CNKSR2: variants seen among roughly 807,000 people sequenced by gnomAD.
CNKSR2 encodes connector enhancer of kinase suppressor of Ras 2.
A neutral mutation model predicts 84.4 loss-of-function variants in CNKSR2; 14 were observed. The observed-to-expected ratio is 0.17, with a 90% CI of 0.11 to 0.26. CNKSR2 has a LOEUF of 0.26. Ranked by LOEUF, CNKSR2 falls within the 10% of genes least tolerant of loss-of-function variation. The pLI is 1.00. For synonymous variants in CNKSR2, 275 were observed against 277.9 expected (o/e 0.99, Z 0.10); for missense variants, 485 against 771.2 (o/e 0.63, Z 4.40).
intron 5 of CNKSR2, among the ~76,000 whole-genome samples, chrX:21,473,714 A>T (rs955159650): frequency 2.2e-5 from 2 of 92,462 alleles, no homozygotes; most frequent in Non-Finnish European, 4.2e-5. Context: ...GTTATATCTC[A>T]TTATTTAGGT....
Position 21,590,630 on chromosome X carries a change from G to T in CNKSR2, c.1657+10G>T. ...AAGAAGAAAAACAAAGGTAAGAAAA[G>T]GAAATGAAACCTTTACCTGCTTATT... On this transcript the variant is annotated intron_variant, in intron 14 of 21. Coordinates refer to ENST00000379510, the MANE Select transcript of CNKSR2 (RefSeq NM_014927.5). 8.3e-7 allele frequency: 1 copy of T among 1,202,542 alleles called. No individual in the cohort carries two copies. Among genetic ancestry groups the T allele is most frequent in the Non-Finnish European group, 1.1e-6 (1 of 888,418 alleles).
At chrX:21,591,348 G>C in intron 15 of CNKSR2, 154 bp downstream of exon 15, 1 of 374,159 alleles carries the variant, frequency 2.7e-6, no homozygotes, top group Non-Finnish European at 4.6e-6. Flanking sequence ...TAAAATGATT[G>C]CATGTTGGGG....
At chrX:21,460,410 A>T (rs1050367891) in intron 4 of CNKSR2, among the ~76,000 whole-genome samples, 3 of 111,103 alleles carry the variant, frequency 2.7e-5, no homozygotes, top group Non-Finnish European at 5.7e-5. Flanking sequence ...CATATTTCAA[A>T]TTTTTTGTGG....
chrX:21,555,222 G>T (rs1410171412), intron 11 of CNKSR2, among the ~76,000 whole-genome samples: 4 of 109,694 alleles, frequency 3.6e-5, no homozygotes, highest in Non-Finnish European at 7.6e-5. Context: ...GATTTTAACT[G>T]GTTTTGTTCT....
intron 5 of CNKSR2, among the ~76,000 whole-genome samples, chrX:21,489,841 G>C: frequency 1.8e-5 from 2 of 111,531 alleles, no homozygotes. Context: ...AAGATAAGAA[G>C]ACAGAGATGA....
intron 9 of CNKSR2, among the ~76,000 whole-genome samples, chrX:21,520,150 T>C (rs1307319957): frequency 9.0e-6 from 1 of 111,535 alleles, no homozygotes; most frequent in Non-Finnish European, 1.9e-5. Flanking sequence ...GCAATTTCAT[T>C]AGTACATTTC....
At chrX:21,389,194 C>G (rs1457063119) in intron 1 of CNKSR2, among the ~76,000 whole-genome samples, 2 of 104,733 alleles carry the variant, frequency 1.9e-5, no homozygotes, top group Non-Finnish European at 3.9e-5. Context: ...CCAGAAAAGG[C>G]TAAGGAGACA....
intron 15 of CNKSR2, 44 bp downstream of exon 15, chrX:21,591,238 T>G: frequency 9.7e-7 from 1 of 1,029,047 alleles, no homozygotes; most frequent in Non-Finnish European, 1.3e-6. Flanking sequence ...TCTCTATCTT[T>G]AATCAAAAGA....
chrX:21,446,090 A>G (rs2090850862), intron 4 of CNKSR2, among the ~76,000 whole-genome samples: 1 of 111,783 alleles, frequency 8.9e-6, no homozygotes, highest in East Asian at 2.8e-4. Flanking sequence ...TGTTTAAACA[A>G]ATAATACTTT....
intron 20 of CNKSR2, among the ~76,000 whole-genome samples, chrX:21,647,790 A>G (rs1223689307): frequency 8.9e-6 from 1 of 111,758 alleles, no homozygotes; most frequent in Non-Finnish European, 1.9e-5. Flanking sequence ...AAATATTCAC[A>G]TGGACCATTG....
chrX:21,597,594 T>C (rs2092457438), intron 17 of CNKSR2, among the ~76,000 whole-genome samples: 1 of 110,884 alleles, frequency 9.0e-6, no homozygotes. Flanking sequence ...AATGGGAAGA[T>C]TTTTAATTAC....
chrX:21,552,957 T>C (rs1392498633), intron 11 of CNKSR2, among the ~76,000 whole-genome samples: 4 of 112,029 alleles, frequency 3.6e-5, no homozygotes, highest in African/African-American at 1.3e-4. Flanking sequence ...TATACAGCCA[T>C]TTAAAAATGT....
chrX:21,443,337 G>T (rs935025887), intron 4 of CNKSR2, among the ~76,000 whole-genome samples: 2 of 111,341 alleles, frequency 1.8e-5, no homozygotes, highest in African/African-American at 6.5e-5. Flanking sequence ...GTTTTCATGA[G>T]CTGCATTTAC....
chrX:21,469,544 TTTG>T (rs1450840645), intron 4 of CNKSR2, among the ~76,000 whole-genome samples: 1 of 109,902 alleles, frequency 9.1e-6, no homozygotes, highest in African/African-American at 3.3e-5. Context: ...TGGAAATGGG[TTTG>T]TTTTTTTTTT....
rs760890681 is a variant in CNKSR2, at chrX:21,563,302, A to G, written c.1458A>G (p.Arg486=). ...CTCAAGAAGAATACATGTTTCAGAG[A>G]AACAGCAAAAAGGACACAGGGAAGA... is the stretch of plus-strand genomic sequence containing the variant. ...KIAQEEYMFQ[R]NSKKDTGKKS... is the part of the protein sequence containing the mutation. Residue 486 remains arginine, a synonymous_variant, in exon 13 of 22, where the codon AGA becomes AGG. Transcript: ENST00000379510. 2.3e-5 allele frequency: 28 copies of G among 1,208,653 alleles called. No individual in the cohort carries two copies. In the Admixed American group the frequency reaches 6.1e-4, roughly 26 times the overall value.
At chrX:21,434,657 C>T (rs1320926880) in intron 3 of CNKSR2, among the ~76,000 whole-genome samples, 1 of 111,121 alleles carries the variant, frequency 9.0e-6, no homozygotes, top group African/African-American at 3.3e-5. Flanking sequence ...CACCTGTTTT[C>T]ATTTTTAAAC....
chrX:21,542,959 C>A lies in CNKSR2; in HGVS notation c.1303+10892C>A, dbSNP rs756570421. ...CATTGAGGAAAATTAATCTCTGTAA[C>A]ATTATACCTGAACATTTTCTACCTG... On this transcript the variant is annotated intron_variant, in intron 11 of 21. Coordinates refer to ENST00000379510, the MANE Select transcript of CNKSR2 (RefSeq NM_014927.5). Among the ~76,000 whole-genome samples the A allele has an allele frequency of 5.3e-5, 6 of 112,206 alleles. No individual in the cohort carries two copies. In the South Asian group the frequency reaches 2.2e-3, roughly 42 times the overall value.
At chrX:21,484,599 A>C (rs1026858423) in intron 5 of CNKSR2, among the ~76,000 whole-genome samples, 11 of 111,537 alleles carry the variant, frequency 9.9e-5, no homozygotes, top group Non-Finnish European at 2.1e-4. Flanking sequence ...ATACCCAAAA[A>C]GTATAAATTT....
At chrX:21,481,718 C>A (rs1205610288) in intron 5 of CNKSR2, among the ~76,000 whole-genome samples, 1 of 111,820 alleles carries the variant, frequency 8.9e-6, no homozygotes, top group Non-Finnish European at 1.9e-5. Context: ...GGCAGATATT[C>A]TCTTGCTGGC....
Sources: allele counts gnomAD v4.1 joint callset (sites outside exome capture counted in the v4.1 genomes callset), GRCh38; gene constraint gnomAD v4.1.1; transcripts MANE v1.5; gene names NCBI Gene and HGNC (gene_info 2026-07-23, HGNC 2026-07-21).